Variants in ACTN1 observed in about 807,000 individuals in gnomAD.
ACTN1 encodes the protein actinin alpha 1.
ACTN1 carries 30 observed loss-of-function variants against 119.6 expected under a neutral mutation model. The observed-to-expected ratio is 0.25, with a 90% CI of 0.19 to 0.34. ACTN1 has a LOEUF of 0.34. Among genes scored for constraint, ACTN1 ranks in the 10% least tolerant of loss-of-function variants. The pLI, the probability that ACTN1 is intolerant of heterozygous loss-of-function variation, is 1.00. For missense variants in ACTN1, 764 were observed against 1,223.4 expected (o/e 0.62, Z 5.60); for synonymous variants, 429 against 472.6 (o/e 0.91, Z 1.20).
At position 68,878,305 on chromosome 14, in the gene ACTN1, A is replaced by C; in HGVS notation, c.2427+153T>G. ...CCCGTGGCCGGGCCGGCTTTCAGGG[A>C]GCCATCTTCCCCAAGGACATGGGCC... On this transcript the variant is annotated intron_variant, in intron 20 of 21. Coordinates refer to ENST00000394419, the MANE Select transcript of ACTN1 (RefSeq NM_001130004.2). The surrounding 1 kb of genome is among the most constrained non-coding windows in gnomAD (Gnocchi z 4.4). 6 of 1,165,384 alleles carry C rather than the reference A, an allele frequency of 5.1e-6. No homozygotes were observed. The highest frequency in any genetic ancestry group is 7.0e-6 in the Non-Finnish European group (6 of 861,050). 72.2% of individuals were successfully genotyped at this position (1,165,384 alleles called of 1,614,324 possible). A position where few individuals can be genotyped will look rare whatever the true frequency, so the allele number is the denominator to read the frequency against.
intron 8 of ACTN1, among the ~76,000 whole-genome samples, chr14:68,899,855 G>A (rs1427564227): frequency 1.3e-5 from 2 of 152,184 alleles, no homozygotes; most frequent in East Asian, 3.9e-4. Flanking sequence ...CCACGGACAC[G>A]GGCAGGTGCA....
At chr14:68,949,234 C>T (rs1443215827) in intron 1 of ACTN1, among the ~76,000 whole-genome samples, 1 of 152,148 alleles carries the variant, frequency 6.6e-6, no homozygotes, top group Non-Finnish European at 1.5e-5. Flanking sequence ...GCCTCTAGGT[C>T]CCAAAGTAAG....
At chr14:68,932,513 C>CTTTTTTTTTTTTT (rs753725900) in intron 1 of ACTN1, among the ~76,000 whole-genome samples, 1 of 87,302 alleles carries the variant, frequency 1.1e-5, no homozygotes, top group African/African-American at 4.5e-5. Flanking sequence ...ATACACCCAG[C>CTTTTTTTTTTTTT]TTTTTTTTTT....
chr14:68,943,518 G>A (rs551327934), intron 1 of ACTN1, among the ~76,000 whole-genome samples: 17 of 152,190 alleles, frequency 1.1e-4, no homozygotes, highest in South Asian at 4.2e-4. Context: ...GGGTGCTTTC[G>A]GCTCCCCAGC....
chr14:68,952,606 C>T (rs540582185), intron 1 of ACTN1, among the ~76,000 whole-genome samples: 1 of 152,170 alleles, frequency 6.6e-6, no homozygotes, highest in Admixed American at 6.5e-5. Context: ...GCCCACCCCC[C>T]ATCCCTGCTG....
At chr14:68,966,931 C>T (rs978597708) in intron 1 of ACTN1, among the ~76,000 whole-genome samples, 1 of 152,202 alleles carries the variant, frequency 6.6e-6, no homozygotes, top group African/African-American at 2.4e-5. Flanking sequence ...AGGGACATGT[C>T]AGTATGGCCA....
chr14:68,888,181 G>A (rs1488764286), intron 11 of ACTN1: 41 of 480,570 alleles, frequency 8.5e-5, no homozygotes, highest in South Asian at 5.5e-4. Context: ...CACTCCTCAC[G>A]CCCAGGATAG....
chr14:68,963,398 A>C (rs1024403964), intron 1 of ACTN1, among the ~76,000 whole-genome samples: 1 of 152,210 alleles, frequency 6.6e-6, no homozygotes, highest in African/African-American at 2.4e-5. Context: ...CTGGGTGGCA[A>C]GCAGGTAGAT....
chr14:68,882,909 G>C lies in ACTN1; in HGVS notation c.1782C>G (p.Thr594=). 1 of 1,614,186 alleles carries C rather than the reference G, an allele frequency of 6.2e-7. No individual in the cohort carries two copies. Among genetic ancestry groups the C allele is most frequent in the African/African-American group, 1.3e-5 (1 of 75,064 alleles). ...TGCCATTGATCTCCTGAGGCGTGAT[G>C]GTTGTGTAGGGGTTGGTGCCCGCCA... The part of the protein sequence containing the change: ...VNMAGTNPYT[T]ITPQEINGKW... Residue 594 remains threonine, a synonymous_variant, in exon 15 of 22, where the codon ACC becomes ACG. Transcript: ENST00000394419. This position sits in a 1 kb window ranked among gnomAD's most constrained non-coding sequence, Gnocchi z 4.5.
chr14:68,935,691 G>A (rs1003207508), intron 1 of ACTN1, among the ~76,000 whole-genome samples: 8 of 152,180 alleles, frequency 5.3e-5, no homozygotes, highest in Admixed American at 1.3e-4. Flanking sequence ...CGGCTAGAGC[G>A]CTCTATTCTG....
chr14:68,939,957 G>C (rs1160074868), intron 1 of ACTN1, among the ~76,000 whole-genome samples: 1 of 152,190 alleles, frequency 6.6e-6, no homozygotes, highest in East Asian at 1.9e-4. Flanking sequence ...TGATGTAATT[G>C]AGCTAGTTCA....
Position 68,921,143 on chromosome 14 carries a change from G to A in ACTN1, c.221-18C>T. 6.2e-7 allele frequency: 1 copy of A among 1,613,444 alleles called. No individual in the cohort carries two copies. The highest frequency in any genetic ancestry group is 8.5e-7 in the Non-Finnish European group (1 of 1,179,664). On this transcript the variant is annotated intron_variant, in intron 2 of 21. Transcript: ENST00000394419. ...GCGTTCACCTGTTTGGATCAAGAGG[G>A]AGGAAGAGGAAGGTGAGACGCTATG...
At chr14:68,877,412 G>C in intron 20 of ACTN1, 172 bp from the exon 21 acceptor site, 1 of 699,486 alleles carries the variant, frequency 1.4e-6, no homozygotes, top group Non-Finnish European at 2.3e-6. Context: ...ACACCCAACA[G>C]GGGAGACCCA....
At chr14:68,960,362 TACAA>T (rs1278559244) in intron 1 of ACTN1, among the ~76,000 whole-genome samples, 1 of 152,214 alleles carries the variant, frequency 6.6e-6, no homozygotes, top group Non-Finnish European at 1.5e-5. Flanking sequence ...TATACATACA[TACAA>T]ACAATGACAA....
chr14:68,948,407 G>A (rs893982073), intron 1 of ACTN1, among the ~76,000 whole-genome samples: 6 of 152,228 alleles, frequency 3.9e-5, no homozygotes, highest in Middle Eastern at 3.4e-3. Context: ...TGGAACCCCC[G>A]TCTCTACTAA....
intron 1 of ACTN1, among the ~76,000 whole-genome samples, chr14:68,947,057 C>A (rs1277179801): frequency 6.6e-6 from 1 of 152,196 alleles, no homozygotes; most frequent in Non-Finnish European, 1.5e-5. Flanking sequence ...ACTGGCAGAG[C>A]AATCTGAGGG....
Position 68,878,331 on chromosome 14 carries a change from C to T in ACTN1, c.2427+127G>A, listed in dbSNP as rs2031123316. ...GCCATCTTCCCCAAGGACATGGGCCCTGGGGCTCCTCCAGGGAGGGCAGCC... is the reference window on the plus strand; with the variant it reads ...GCCATCTTCCCCAAGGACATGGGCCTTGGGGCTCCTCCAGGGAGGGCAGCC... On this transcript the variant is annotated intron_variant, in intron 20 of 21. Transcript: ENST00000394419. This position sits in a 1 kb window ranked among gnomAD's most constrained non-coding sequence, Gnocchi z 4.4. The T allele has an allele frequency of 2.2e-6, 3 of 1,362,246 alleles. No individual in the cohort carries two copies. The highest frequency in any genetic ancestry group is 2.9e-6 in the Non-Finnish European group (3 of 1,026,082). The allele number at this position is 1,362,246 out of a possible 1,614,324, so 84.4% of individuals were successfully genotyped here. A position where few individuals can be genotyped will look rare whatever the true frequency, so the allele number is the denominator to read the frequency against.
chr14:68,950,565 CT>C (rs558318048), intron 1 of ACTN1, among the ~76,000 whole-genome samples: 228 of 141,754 alleles, frequency 1.6e-3, no homozygotes, highest in Admixed American at 1.8e-3. Context: ...GCATGTCAAA[CT>C]TTTTTTTTTT....
At chr14:68,915,303 G>A (rs777122372) in intron 3 of ACTN1, among the ~76,000 whole-genome samples, 11 of 140,492 alleles carry the variant, frequency 7.8e-5, no homozygotes, top group African/African-American at 2.7e-5. Context: ...CCCCCTGCTC[G>A]GGCCTCCCTG....
Sources: gnomAD v4.1 joint callset for allele counts (sites outside exome capture counted in the v4.1 genomes callset) on GRCh38, gnomAD v4.1.1 for gene constraint, Gnocchi (gnomAD v3.1) non-coding constraint, MANE v1.5 for transcripts, NCBI Gene and HGNC (gene_info 2026-07-23, HGNC 2026-07-21) for gene names.